Variants in MAN1A1 observed in about 807,000 individuals in gnomAD.
The protein encoded by MAN1A1 is mannosyl-oligosaccharide 1,2-alpha-mannosidase IA.
Under a neutral mutation model 70.8 loss-of-function variants are expected in MAN1A1, and 29 were observed. The observed-to-expected ratio is 0.41, with a 90% CI of 0.31 to 0.56. The LOEUF (loss-of-function observed/expected upper bound fraction) is 0.56. Among genes scored for constraint, MAN1A1 ranks in the 20% least tolerant of loss-of-function variants. The pLI is 0.29. For missense variants in MAN1A1, 747 were observed against 841.3 expected, an observed-to-expected ratio of 0.89 and a Z score of 1.39; for synonymous variants, 349 against 330.1, an observed-to-expected ratio of 1.06 and a Z score of -0.62.
chr6:119,277,613 G>A (rs1223150243), intron 5 of MAN1A1, among the ~76,000 whole-genome samples: 1 of 152,006 alleles, frequency 6.6e-6, no homozygotes, highest in African/African-American at 2.4e-5. Context: ...CTTTAGGTCA[G>A]GAGTTCAAGA....
intron 4 of MAN1A1, among the ~76,000 whole-genome samples, chr6:119,293,478 A>G (rs1303523069): frequency 6.6e-6 from 1 of 152,050 alleles, no homozygotes; most frequent in Non-Finnish European, 1.5e-5. Context: ...TTAATCCATG[A>G]AGGATACCAG....
chr6:119,274,346 G>T (rs17080933), intron 5 of MAN1A1, among the ~76,000 whole-genome samples: 1,951 of 152,216 alleles, frequency 0.013, 23 homozygotes, highest in Admixed American at 0.036. Context: ...ACAGTCTAGA[G>T]AAATTCATTA....
intron 6 of MAN1A1, among the ~76,000 whole-genome samples, chr6:119,219,108 G>A (rs1481078890): frequency 6.6e-6 from 1 of 152,082 alleles, no homozygotes; most frequent in Non-Finnish European, 1.5e-5. Flanking sequence ...ATTAAGTGAG[G>A]ACTTACTGTA....
intron 2 of MAN1A1, among the ~76,000 whole-genome samples, chr6:119,330,601 G>GA (rs989699281): frequency 5.3e-5 from 8 of 152,056 alleles, no homozygotes; most frequent in Admixed American, 2.0e-4. Context: ...TCTGCAACTT[G>GA]AAACCCTCCC....
chr6:119,184,978 T>C (rs2114927102), intron 11 of MAN1A1, among the ~76,000 whole-genome samples: 1 of 152,224 alleles, frequency 6.6e-6, no homozygotes, highest in Middle Eastern at 3.4e-3. Flanking sequence ...AACCTTGAAC[T>C]CCTGGGCTCA....
chr6:119,226,976 G>A (rs1015458491), intron 6 of MAN1A1, among the ~76,000 whole-genome samples: 14 of 152,076 alleles, frequency 9.2e-5, no homozygotes, highest in Non-Finnish European at 1.3e-4. Context: ...CGGCCTGAAC[G>A]TGAATTTTCA....
intron 6 of MAN1A1, among the ~76,000 whole-genome samples, chr6:119,221,806 A>C (rs1177779848): frequency 6.6e-6 from 1 of 152,172 alleles, no homozygotes; most frequent in Non-Finnish European, 1.5e-5. Context: ...CAAATATATG[A>C]AAAAGTAACA....
At chr6:119,332,226 G>A (rs1692077257) in intron 2 of MAN1A1, among the ~76,000 whole-genome samples, 1 of 152,042 alleles carries the variant, frequency 6.6e-6, no homozygotes, top group Non-Finnish European at 1.5e-5. Flanking sequence ...ATGCCAAGAT[G>A]ATATTTTAAA....
chr6:119,279,857 T>C (rs763599163), intron 5 of MAN1A1, among the ~76,000 whole-genome samples: 3 of 152,218 alleles, frequency 2.0e-5, no homozygotes, highest in Non-Finnish European at 4.4e-5. Flanking sequence ...TCAAAAACAA[T>C]TTGGATTCTA....
intron 6 of MAN1A1, among the ~76,000 whole-genome samples, chr6:119,225,414 A>C (rs980573063): frequency 1.0e-5 from 1 of 98,776 alleles, no homozygotes; most frequent in African/African-American, 3.9e-5. Context: ...AGACAGAGAG[A>C]GAAAGAGAAG....
chr6:119,247,818 T>C (rs1775208412), intron 6 of MAN1A1, among the ~76,000 whole-genome samples: 1 of 152,202 alleles, frequency 6.6e-6, no homozygotes, highest in African/African-American at 2.4e-5. Flanking sequence ...TACCAGCTGC[T>C]TTTATGGGGG....
intron 5 of MAN1A1, among the ~76,000 whole-genome samples, chr6:119,281,712 T>C (rs775287616): frequency 1.2e-4 from 19 of 152,188 alleles, no homozygotes; most frequent in Non-Finnish European, 2.2e-4. Context: ...TTTGCTGCTA[T>C]GTGTAGGGAA....
At chr6:119,332,408 T>C (rs1275749024) in intron 2 of MAN1A1, among the ~76,000 whole-genome samples, 1 of 152,180 alleles carries the variant, frequency 6.6e-6, no homozygotes, top group East Asian at 1.9e-4. Flanking sequence ...AAAAGTATAG[T>C]TTTAACTGTT....
intron 5 of MAN1A1, among the ~76,000 whole-genome samples, chr6:119,260,328 T>C (rs150184444): frequency 6.6e-5 from 10 of 152,354 alleles, no homozygotes; most frequent in African/African-American, 2.4e-4. Context: ...TATCATACAC[T>C]AGTTCTGGTA....
chr6:119,198,132 T>C (rs1197409656), intron 8 of MAN1A1, among the ~76,000 whole-genome samples: 2 of 152,250 alleles, frequency 1.3e-5, no homozygotes, highest in Non-Finnish European at 2.9e-5. Context: ...CTCACGCCTG[T>C]AATTCCAGCA....
intron 2 of MAN1A1, among the ~76,000 whole-genome samples, chr6:119,346,226 C>T (rs1773724344): frequency 6.6e-6 from 1 of 152,218 alleles, no homozygotes; most frequent in Admixed American, 6.5e-5. Flanking sequence ...AAGTTAAAGT[C>T]CAGTGCCCTA....
chr6:119,348,094 A>T (rs1347811054), intron 2 of MAN1A1, among the ~76,000 whole-genome samples: 2 of 152,290 alleles, frequency 1.3e-5, no homozygotes, highest in Non-Finnish European at 1.5e-5. Context: ...CACGTCCCCA[A>T]TCCTTACCAG....
upstream of MAN1A1, chr6:119,349,796 A>G (rs1004541838): frequency 6.4e-5 from 62 of 975,472 alleles, no homozygotes; most frequent in Non-Finnish European, 7.2e-5. Flanking sequence ...GTGGAAAGCG[A>G]GGGAGGCGAC....
intron 2 of MAN1A1, among the ~76,000 whole-genome samples, chr6:119,328,907 T>A (rs1773229651): frequency 6.6e-6 from 1 of 152,146 alleles, no homozygotes; most frequent in Non-Finnish European, 1.5e-5. Flanking sequence ...TTCAATAAGG[T>A]AAAACCTTCC....
Sources: allele counts gnomAD v4.1 joint callset (sites outside exome capture counted in the v4.1 genomes callset), GRCh38; gene constraint gnomAD v4.1.1; transcripts MANE v1.5; gene names NCBI Gene and HGNC (gene_info 2026-07-23, HGNC 2026-07-21).